The following PKHD1 variants were observed in gnomAD, a reference collection of about 807,000 sequenced individuals.
PKHD1 encodes the protein fibrocystin.
In PKHD1, 291 loss-of-function variants were observed where a neutral mutation model predicts 412.0. The observed-to-expected ratio is 0.71, with a 90% CI of 0.64 to 0.78. The LOEUF (loss-of-function observed/expected upper bound fraction) is 0.78, where lower values mean the gene tolerates loss of function less well. PKHD1 is among the 30% of genes least tolerant of loss of function. PKHD1 has a pLI of 0.00. For synonymous variants in PKHD1, 1,777 were observed against 1,821.5 expected (o/e 0.98, Z 0.62); for missense variants, 4,825 against 4,950.7 (o/e 0.97, Z 0.76).
intron 35 of PKHD1, among the ~76,000 whole-genome samples, chr6:51,984,441 A>T (rs1337192012): frequency 6.6e-6 from 1 of 152,264 alleles, no homozygotes; most frequent in African/African-American, 2.4e-5. Context: ...AAAGAAAAGC[A>T]TACTCACACA....
intron 27 of PKHD1, among the ~76,000 whole-genome samples, chr6:52,036,759 GA>G (rs1371868874): frequency 1.3e-5 from 2 of 152,130 alleles, no homozygotes; most frequent in African/African-American, 2.4e-5. Context: ...TAAAAAAATT[GA>G]AAAAATATTT....
chr6:52,054,746 C>T (rs541387476), intron 19 of PKHD1, among the ~76,000 whole-genome samples: 56 of 152,292 alleles, frequency 3.7e-4, no homozygotes, highest in African/African-American at 1.3e-3. Flanking sequence ...CACCAGATGC[C>T]AATAGCACTT....
At chr6:51,639,605 A>G (rs1769075290) in intron 63 of PKHD1, among the ~76,000 whole-genome samples, 1 of 152,108 alleles carries the variant, frequency 6.6e-6, no homozygotes, top group African/African-American at 2.4e-5. Context: ...CAAAAACAAA[A>G]AAAAACCCTT....
intron 34 of PKHD1, among the ~76,000 whole-genome samples, chr6:52,012,766 T>A (rs1240776134): frequency 1.3e-5 from 2 of 152,130 alleles, no homozygotes; most frequent in African/African-American, 4.8e-5. Context: ...TTTGTGAAGG[T>A]CTCCCGCTAT....
chr6:51,820,337 C>T (rs1225530655), intron 52 of PKHD1, among the ~76,000 whole-genome samples: 1 of 152,190 alleles, frequency 6.6e-6, no homozygotes, highest in Non-Finnish European at 1.5e-5. Context: ...AAGGCCAGCA[C>T]AGATTCCAGG....
chr6:52,001,659 CT>C (rs1798414571), intron 35 of PKHD1, among the ~76,000 whole-genome samples: 1 of 152,052 alleles, frequency 6.6e-6, no homozygotes, highest in Non-Finnish European at 1.5e-5. Flanking sequence ...TCTCGATCTC[CT>C]GACCTCGTGA....
At position 52,024,680 on chromosome 6, in the gene PKHD1, C is replaced by T. The variant is rs769591140; in HGVS notation, c.5130G>A (p.Pro1710=). 1.4e-5 allele frequency: 22 copies of T among 1,614,040 alleles called. No individual in the cohort carries two copies. The highest frequency in any genetic ancestry group is 5.3e-5 in the African/African-American group (4 of 74,906). The change falls in exon 32 of 67, where the codon CCG becomes CCA. Residue 1710 remains proline (P), a synonymous_variant. Coordinates refer to ENST00000371117, the MANE Select transcript of PKHD1 (RefSeq NM_138694.4). ...AGCCTCTGACGTGGTACTCCCCGGCCGGAAGGGAAGGGACCACGCACTGAA... is the reference window on the plus strand; with the variant it reads ...AGCCTCTGACGTGGTACTCCCCGGCTGGAAGGGAAGGGACCACGCACTGAA... The part of the protein sequence containing the change: ...TVLQCVVPSL[P]AGEYHVRGYD...
chr6:51,989,273 A>G (rs1012011141), intron 35 of PKHD1, among the ~76,000 whole-genome samples: 2 of 152,232 alleles, frequency 1.3e-5, no homozygotes, highest in Admixed American at 1.3e-4. Flanking sequence ...AGACAAAAAC[A>G]CTATTTCAGT....
chr6:51,744,691 A>G, intron 59 of PKHD1, 149 bp from the exon 60 acceptor site: 1 of 658,076 alleles, frequency 1.5e-6, no homozygotes, highest in East Asian at 2.7e-5. Context: ...AAAACTCTTT[A>G]TGAAATAATT....
chr6:51,856,501 G>A (rs1304459045), intron 48 of PKHD1, among the ~76,000 whole-genome samples: 1 of 152,134 alleles, frequency 6.6e-6, no homozygotes, highest in Non-Finnish European at 1.5e-5. Flanking sequence ...AATGTCTATG[G>A]CCAGAATTTT....
intron 60 of PKHD1, among the ~76,000 whole-genome samples, chr6:51,716,316 T>C (rs763038699): frequency 6.6e-6 from 1 of 152,180 alleles, no homozygotes; most frequent in Non-Finnish European, 1.5e-5. Context: ...ACACTCTTGA[T>C]CTAGGTGGAG....
intron 34 of PKHD1, among the ~76,000 whole-genome samples, chr6:52,015,571 TC>T (rs1168726976): frequency 1.3e-5 from 2 of 151,744 alleles, no homozygotes; most frequent in African/African-American, 4.8e-5. Flanking sequence ...ACGCCTGTAA[TC>T]CCAGCACTTT....
intron 51 of PKHD1, among the ~76,000 whole-genome samples, chr6:51,834,459 T>C (rs1768832165): frequency 6.6e-6 from 1 of 151,680 alleles, no homozygotes; most frequent in Non-Finnish European, 1.5e-5. Context: ...GGTTAACACA[T>C]AGATAGATGG....
intron 46 of PKHD1, among the ~76,000 whole-genome samples, chr6:51,882,564 A>T (rs1777546249): frequency 6.6e-6 from 1 of 152,196 alleles, no homozygotes; most frequent in African/African-American, 2.4e-5. Flanking sequence ...GTTCTAATAA[A>T]AACAAGAACA....
chr6:51,908,586 C>T (rs563068789), intron 40 of PKHD1, among the ~76,000 whole-genome samples: 1 of 152,242 alleles, frequency 6.6e-6, no homozygotes, highest in East Asian at 1.9e-4. Flanking sequence ...CCTGGATGTT[C>T]CTACATTCAA....
chr6:51,992,929 T>G (rs1036254678), intron 35 of PKHD1, among the ~76,000 whole-genome samples: 1 of 152,198 alleles, frequency 6.6e-6, no homozygotes, highest in East Asian at 1.9e-4. Flanking sequence ...CCTGCCCCCA[T>G]TAAAATGTAA....
chr6:52,015,460 C>T (rs1278248791), intron 34 of PKHD1, among the ~76,000 whole-genome samples: 1 of 152,218 alleles, frequency 6.6e-6, no homozygotes, highest in African/African-American at 2.4e-5. Context: ...CAGTTTCCCC[C>T]ACTCTCATCC....
intron 36 of PKHD1, among the ~76,000 whole-genome samples, chr6:51,943,941 C>T (rs1322457656): frequency 1.3e-5 from 2 of 151,470 alleles, no homozygotes; most frequent in South Asian, 2.1e-4. Flanking sequence ...CACTTCAATA[C>T]TGTTATGTTT....
intron 52 of PKHD1, among the ~76,000 whole-genome samples, chr6:51,820,089 G>T (rs1766125438): frequency 6.6e-6 from 1 of 152,196 alleles, no homozygotes; most frequent in African/African-American, 2.4e-5. Context: ...TGGAAGCTGA[G>T]ATTGGCTCTT....
Sources: gnomAD v4.1 joint callset for allele counts (sites outside exome capture counted in the v4.1 genomes callset) on GRCh38, gnomAD v4.1.1 for gene constraint, MANE v1.5 for transcripts, NCBI Gene and HGNC (gene_info 2026-07-23, HGNC 2026-07-21) for gene names.